The following AZIN2 variants were observed in gnomAD, a reference collection of about 807,000 sequenced individuals.
The protein encoded by AZIN2 is ODC antizyme inhibitor-2.
AZIN2 carries 28 observed loss-of-function variants against 47.8 expected under a neutral mutation model. That is an observed-to-expected ratio of 0.59 (90% CI 0.43 to 0.80). The LOEUF is 0.80. Ranked by LOEUF, AZIN2 falls within the 30% of genes least tolerant of loss-of-function variation. AZIN2 has a pLI of 0.00. For synonymous variants in AZIN2, 221 were observed against 239.4 expected, an observed-to-expected ratio of 0.92 and a Z score of 0.71; for missense variants, 535 against 582.5, an observed-to-expected ratio of 0.92 and a Z score of 0.84.
chr1:33,151,704 C>G, the AZIN2 span, among the ~76,000 whole-genome samples: 1 of 152,216 alleles, frequency 6.6e-6, no homozygotes, highest in East Asian at 1.9e-4. Flanking sequence ...GGCAGCCCGT[C>G]TGGTCTCCAG....
At chr1:33,134,791 G>A in the AZIN2 span, among the ~76,000 whole-genome samples, 2 of 152,222 alleles carry the variant, frequency 1.3e-5, no homozygotes, top group African/African-American at 2.4e-5. Context: ...ATAGGGGAGC[G>A]AGGATGAGTT....
At chr1:33,159,697 A>G in the AZIN2 span, 2 of 1,607,842 alleles carry the variant, frequency 1.2e-6, no homozygotes, top group East Asian at 2.2e-5. This position sits in a 1 kb window ranked among gnomAD's most constrained non-coding sequence, Gnocchi z 4.2. Context: ...CCGCTCGGAC[A>G]GTGAGGCCAC....
At chr1:33,147,242 G>T in the AZIN2 span, 1 of 1,614,040 alleles carries the variant, frequency 6.2e-7, no homozygotes, top group Non-Finnish European at 8.5e-7. The surrounding 1 kb of genome is among the most constrained non-coding windows in gnomAD (Gnocchi z 8.1). Context: ...CTCTGGCCAG[G>T]GCTGAAGTAA....
chr1:33,084,246 G>C, intron 5 of AZIN2, 119 bp downstream of exon 5: 1 of 1,199,138 alleles, frequency 8.3e-7, no homozygotes, highest in Non-Finnish European at 1.2e-6. Context: ...TTGCCCTCTG[G>C]GAAGACCACC....
the AZIN2 span, among the ~76,000 whole-genome samples, chr1:33,161,584 A>G: frequency 6.6e-6 from 1 of 152,006 alleles, no homozygotes; most frequent in Non-Finnish European, 1.5e-5. The surrounding 1 kb of genome is among the most constrained non-coding windows in gnomAD (Gnocchi z 4.3). Context: ...AACGCCAGGC[A>G]GACAAAGGGG....
At chr1:33,103,747 T>C (rs180840670) in intron 10 of AZIN2, among the ~76,000 whole-genome samples, 121 of 152,244 alleles carry the variant, frequency 7.9e-4, no homozygotes, top group Admixed American at 1.6e-3. Context: ...TAAATATCTG[T>C]TGAATGAATT....
chr1:33,161,794 C>T, the AZIN2 span, among the ~76,000 whole-genome samples: 2 of 152,196 alleles, frequency 1.3e-5, no homozygotes, highest in Non-Finnish European at 2.9e-5. This position sits in a 1 kb window ranked among gnomAD's most constrained non-coding sequence, Gnocchi z 4.3. Flanking sequence ...GACCACTCTG[C>T]AGCACTTAGC....
At chr1:33,155,817 G>T in the AZIN2 span, among the ~76,000 whole-genome samples, 7 of 152,172 alleles carry the variant, frequency 4.6e-5, no homozygotes, top group East Asian at 1.9e-4. Context: ...CTGCCCTTGG[G>T]GGGGATCTGT....
the AZIN2 span, chr1:33,164,801 C>G: frequency 6.6e-6 from 1 of 151,476 alleles, no homozygotes; most frequent in Non-Finnish European, 1.5e-5. Context: ...ATTTTAGAGA[C>G]AGGGTATCAC....
intron 8 of AZIN2, among the ~76,000 whole-genome samples, chr1:33,095,424 G>C (rs1178344964): frequency 6.6e-6 from 1 of 152,124 alleles, no homozygotes; most frequent in Non-Finnish European, 1.5e-5. Flanking sequence ...GTCGTTCACA[G>C]TCTATTAAGT....
rs1416948877 is a variant in AZIN2, at chr1:33,122,078, T to TA, written c.*1897dup. On this transcript the variant is annotated 3_prime_UTR_variant, in exon 12 of 12. Coordinates refer to ENST00000294517, the MANE Select transcript of AZIN2 (RefSeq NM_052998.4). Reference sequence around the variant, plus strand: ...CATCAAAGCCACGATTTACAGGTATTACCATGCCAGTAATTGTCTATCAGA... The same window carrying TA: ...CATCAAAGCCACGATTTACAGGTATTAACCATGCCAGTAATTGTCTATCAGA... Among the ~76,000 whole-genome samples, 1 of 152,234 alleles carries TA rather than the reference T, an allele frequency of 6.6e-6. No homozygotes were observed. Among genetic ancestry groups the TA allele is most frequent in the African/African-American group, 2.4e-5 (1 of 41,464 alleles).
intron 5 of AZIN2, among the ~76,000 whole-genome samples, chr1:33,084,937 A>G (rs569219051): frequency 6.6e-6 from 1 of 152,338 alleles, no homozygotes; most frequent in Non-Finnish European, 1.5e-5. Flanking sequence ...GTCATTCAGT[A>G]TCTACTGAAC....
At chr1:33,100,320 C>CA (rs58751120) in intron 10 of AZIN2, among the ~76,000 whole-genome samples, 4,446 of 75,954 alleles carry the variant, frequency 0.059, 167 homozygotes, top group African/African-American at 0.16. Flanking sequence ...GACTCTGTCT[C>CA]AAAAAAAAAA....
chr1:33,162,799 G>T, the AZIN2 span: 2 of 152,380 alleles, frequency 1.3e-5, no homozygotes, highest in Non-Finnish European at 2.9e-5. Context: ...TACCTGGCTT[G>T]CTGACTACAA....
At chr1:33,083,901 C>T in intron 4 of AZIN2, 53 bp from the exon 5 acceptor site, 1 of 1,604,004 alleles carries the variant, frequency 6.2e-7, no homozygotes, top group South Asian at 1.1e-5. Context: ...GGATGGCATG[C>T]ACAGGGTGCG....
At chr1:33,091,438 C>T (rs1023465075) in intron 5 of AZIN2, among the ~76,000 whole-genome samples, 2 of 152,152 alleles carry the variant, frequency 1.3e-5, no homozygotes, top group African/African-American at 4.8e-5. Flanking sequence ...TGGGGTTTTG[C>T]CATGTTTCCC....
intron 10 of AZIN2, among the ~76,000 whole-genome samples, chr1:33,108,468 G>A (rs768028246): frequency 4.6e-5 from 7 of 151,426 alleles, no homozygotes; most frequent in South Asian, 4.2e-4. Context: ...TCAGCCTCCC[G>A]AGTAGCTGGG....
chr1:33,118,199 C>A, intron 11 of AZIN2, 83 bp downstream of exon 11: 1 of 1,390,704 alleles, frequency 7.2e-7, no homozygotes, highest in Non-Finnish European at 9.6e-7. Context: ...GATTCTGCTT[C>A]TGTGTAATCC....
chr1:33,090,837 T>G (rs1433858812), intron 5 of AZIN2, among the ~76,000 whole-genome samples: 1 of 152,214 alleles, frequency 6.6e-6, no homozygotes, highest in Non-Finnish European at 1.5e-5. Context: ...TTTGACCAAC[T>G]TCTTCCCACT....
Sources: gnomAD v4.1 joint callset for allele counts (sites outside exome capture counted in the v4.1 genomes callset) on GRCh38, gnomAD v4.1.1 for gene constraint, Gnocchi (gnomAD v3.1) non-coding constraint, MANE v1.5 for transcripts, NCBI Gene and HGNC (gene_info 2026-07-23, HGNC 2026-07-21) for gene names.